Variants in RSRP1 observed in about 807,000 individuals in gnomAD.
RSRP1 encodes the protein arginine and serine rich protein 1.
RSRP1 carries 37 observed loss-of-function variants against 33.0 expected under a neutral mutation model. That is an observed-to-expected ratio of 1.12 (90% CI 0.86 to 1.48). The LOEUF is 1.48. RSRP1 is among the 40% of genes most tolerant of loss of function. The pLI, the probability that RSRP1 is intolerant of heterozygous loss-of-function variation, is 0.00. For synonymous variants in RSRP1, 167 were observed against 158.7 expected (o/e 1.05, Z -0.40); for missense variants, 402 against 385.3 (o/e 1.04, Z -0.36).
rs1336693557 is a variant in RSRP1, at chr1:25,319,818, G to C, written c.-67+18160C>G. Reference sequence around the variant, plus strand: ...GTAGATTAGAAATAGCAGATTAGAGGTGGGCTAGGTTTCTAGAGGTAAAGT... The same window carrying C: ...GTAGATTAGAAATAGCAGATTAGAGCTGGGCTAGGTTTCTAGAGGTAAAGT... On this transcript the variant is annotated intron_variant, in intron 1 of 1. Transcript: ENST00000561867. Among the ~76,000 whole-genome samples the C allele has an allele frequency of 6.0e-5, 8 of 132,570 alleles. 3 individuals are homozygous for C. Among genetic ancestry groups the C allele is most frequent in the Non-Finnish European group, 9.0e-5 (5 of 55,862 alleles). The allele number at this position is 132,570 out of a possible 152,430, so 87.0% of individuals were successfully genotyped here.
chr1:25,247,132 G>A (rs1480203909), intron 1 of RSRP1, 103 bp from the exon 2 acceptor site: 3 of 740,340 alleles, frequency 4.1e-6, no homozygotes, highest in South Asian at 5.8e-5. Context: ...GCCACGGCGC[G>A]GGCGGCGACC....
chr1:25,245,937 TAGTG>T (rs112691418), intron 2 of RSRP1: 2,172 of 156,586 alleles, frequency 0.014, 46 homozygotes, highest in African/African-American at 0.049. Flanking sequence ...TTTTACTAGA[TAGTG>T]AGCTATGTTG....
chr1:25,281,325 C>T (rs1571590541), intron 1 of RSRP1, among the ~76,000 whole-genome samples: 1 of 129,766 alleles, frequency 7.7e-6, no homozygotes, highest in East Asian at 2.0e-4. Context: ...CCTCTGGGCC[C>T]GGTCATGAGC....
At chr1:25,263,214 G>A (rs1434822396) in intron 1 of RSRP1, among the ~76,000 whole-genome samples, 1 of 152,064 alleles carries the variant, frequency 6.6e-6, no homozygotes, top group Non-Finnish European at 1.5e-5. Context: ...GGGTGGGCCA[G>A]GGAGAGACGG....
intron 1 of RSRP1, among the ~76,000 whole-genome samples, chr1:25,261,641 T>C (rs921146765): frequency 4.0e-5 from 6 of 151,272 alleles, no homozygotes; most frequent in African/African-American, 1.2e-4. Context: ...CCTGACCTCG[T>C]GATCCACCTG....
upstream of RSRP1, among the ~76,000 whole-genome samples, chr1:25,250,188 A>T (rs1367007898): frequency 1.3e-5 from 2 of 152,224 alleles, no homozygotes; most frequent in South Asian, 4.1e-4. Context: ...AGTTCCAGGT[A>T]CAGGGGCTTA....
chr1:25,269,263 A>G (rs1369158159), intron 1 of RSRP1, among the ~76,000 whole-genome samples: 1 of 133,048 alleles, frequency 7.5e-6, no homozygotes, highest in African/African-American at 2.6e-5. Context: ...TATCTCATGT[A>G]ATGTACTGAG....
chr1:25,251,751 G>C (rs1030502393), upstream of RSRP1, among the ~76,000 whole-genome samples: 1 of 152,070 alleles, frequency 6.6e-6, no homozygotes, highest in Non-Finnish European at 1.5e-5. Context: ...ACAAGCTAAC[G>C]ATCATTCCCT....
At chr1:25,268,146 G>A (rs1427900139) in intron 1 of RSRP1, among the ~76,000 whole-genome samples, 1 of 133,940 alleles carries the variant, frequency 7.5e-6, no homozygotes, top group Non-Finnish European at 1.8e-5. Flanking sequence ...CCCTGGTGCT[G>A]AGGATACAAC....
At position 25,242,594 on chromosome 1, in the gene RSRP1, T is replaced by C; in HGVS notation, c.868A>G (p.Ile290Val). The C allele has an allele frequency of 6.4e-7, 1 of 1,572,244 alleles. No individual in the cohort carries two copies. Among genetic ancestry groups the C allele is most frequent in the Non-Finnish European group, 8.7e-7 (1 of 1,154,408 alleles). ...TAGCCATCAGTTTTCTTCTTTTAGATAGGTATCCACAGTCCATATGGACTT... is the reference window on the plus strand; with the variant it reads ...TAGCCATCAGTTTTCTTCTTTTAGACAGGTATCCACAGTCCATATGGACTT... ...KKSPYGLWIP[I>V] The change falls in exon 5 of 5, where the codon ATC becomes GTC. Residue 290 changes from isoleucine to valine, a missense_variant. Ile to Val is a conservative substitution (Grantham distance 29). Transcript: ENST00000243189.
intron 1 of RSRP1, among the ~76,000 whole-genome samples, chr1:25,295,504 T>G: frequency 2.1e-5 from 2 of 95,374 alleles, no homozygotes; most frequent in African/African-American, 3.6e-5. Flanking sequence ...AGATAGGAGG[T>G]GGTGGTGGTT....
intron 3 of RSRP1, chr1:25,243,871 T>C (rs1639116421): frequency 3.2e-6 from 4 of 1,244,638 alleles, no homozygotes; most frequent in African/African-American, 1.5e-5. Context: ...TTTAAACTAA[T>C]TTTTTAATCA....
intron 3 of RSRP1, chr1:25,244,808 C>A: frequency 1.0e-6 from 1 of 969,848 alleles, no homozygotes; most frequent in Non-Finnish European, 1.3e-6. Context: ...CTCAGCCTCC[C>A]AAACAGCTGG....
chr1:25,314,738 T>C lies in RSRP1; in HGVS notation c.-67+23240A>G, dbSNP rs1644348141. On this transcript the variant is annotated intron_variant, in intron 1 of 1. Coordinates refer to the RSRP1 transcript ENST00000561867. ...ACAGGCTGATCTTGGACTCCTGGCC[T>C]CAACTTTGGCCCACCTTGGCCTCCC... Among the ~76,000 whole-genome samples, 2 of 131,890 alleles carry C rather than the reference T, an allele frequency of 1.5e-5. 1 individual carries two copies. Among genetic ancestry groups the C allele is most frequent in the African/African-American group, 5.2e-5 (2 of 38,732 alleles). 86.5% of individuals were successfully genotyped at this position (131,890 alleles called of 152,430 possible). A position where few individuals can be genotyped will look rare whatever the true frequency, so the allele number is the denominator to read the frequency against.
At chr1:25,279,020 T>C (rs1264499055) in intron 1 of RSRP1, among the ~76,000 whole-genome samples, 1 of 129,930 alleles carries the variant, frequency 7.7e-6, no homozygotes, top group Non-Finnish European at 1.8e-5. Context: ...CTGAAGTTTC[T>C]GCAGGCCAGA....
At position 25,313,600 on chromosome 1, in the gene RSRP1, G is replaced by T. The variant is rs1444902299; in HGVS notation, c.-67+24378C>A. Among the ~76,000 whole-genome samples, 2 of 131,926 alleles carry T rather than the reference G, an allele frequency of 1.5e-5. 1 individual carries two copies. 86.5% of individuals were successfully genotyped at this position (131,926 alleles called of 152,430 possible). A position where few individuals can be genotyped will look rare whatever the true frequency, so the allele number is the denominator to read the frequency against. On this transcript the variant is annotated intron_variant, in intron 1 of 1. Coordinates refer to the RSRP1 transcript ENST00000561867. ...TGGAAGGAAAGTTTTGTTGTTCACA[G>T]TTCCCCTGTAAACAAGAGGCAGAAC...
At chr1:25,307,597 G>A in intron 1 of RSRP1, 2 of 804,536 alleles carry the variant, frequency 2.5e-6, no homozygotes, top group Non-Finnish European at 4.0e-6. Context: ...GCCTACTGAG[G>A]TATTCTCAGA....
chr1:25,308,977 C>T (rs1311329286), intron 1 of RSRP1, among the ~76,000 whole-genome samples: 2 of 131,442 alleles, frequency 1.5e-5, no homozygotes, highest in African/African-American at 5.3e-5. Context: ...AACATAGCCC[C>T]GTTCTTTATG....
chr1:25,243,703 T>C (rs991836278), intron 3 of RSRP1, 70 bp from the exon 4 acceptor site: 22 of 1,579,072 alleles, frequency 1.4e-5, no homozygotes, highest in Non-Finnish European at 1.7e-5. Context: ...TATTAAAAAA[T>C]AGCCTAATTG....
Sources: gnomAD v4.1 joint callset for allele counts (sites outside exome capture counted in the v4.1 genomes callset) on GRCh38, gnomAD v4.1.1 for gene constraint, MANE v1.5 for transcripts, NCBI Gene and HGNC (gene_info 2026-07-23, HGNC 2026-07-21) for gene names.